Variants in KLF8 observed in about 807,000 individuals in gnomAD.
The protein encoded by KLF8 is KLF transcription factor 8, also known as Krueppel-like factor 8.
Under a neutral mutation model 18.2 loss-of-function variants are expected in KLF8, and 10 were observed. That is an observed-to-expected ratio of 0.55 (90% CI 0.34 to 0.93). The LOEUF is 0.93. Among genes scored for constraint, KLF8 ranks in the 40% least tolerant of loss-of-function variants. The probability of loss-of-function intolerance (pLI) is 0.02; values close to 1 mark genes in which losing one functional copy is unlikely to be tolerated. For missense variants in KLF8, 264 were observed against 277.9 expected (o/e 0.95, Z 0.36); for synonymous variants, 109 against 97.3 (o/e 1.12, Z -0.71).
At chrX:56,172,121 T>A in the KLF8 span, among the ~76,000 whole-genome samples, 12 of 110,997 alleles carry the variant, frequency 1.1e-4, no homozygotes, top group East Asian at 1.4e-3. Flanking sequence ...CTTTTTTTTT[T>A]TATACTTTAA....
At chrX:56,079,120 G>T in the KLF8 span, among the ~76,000 whole-genome samples, 1 of 110,725 alleles carries the variant, frequency 9.0e-6, no homozygotes, top group African/African-American at 3.3e-5. Context: ...TTTTTTGAAG[G>T]GTTTTTTGTG....
chrX:56,011,881 A>T, the KLF8 span, among the ~76,000 whole-genome samples: 3 of 111,764 alleles, frequency 2.7e-5, no homozygotes, highest in Non-Finnish European at 5.6e-5. Flanking sequence ...TCCTGGACAC[A>T]TACACCCTCC....
the KLF8 span, among the ~76,000 whole-genome samples, chrX:56,080,034 A>G: frequency 6.3e-5 from 7 of 110,606 alleles, no homozygotes; most frequent in Non-Finnish European, 1.3e-4. Context: ...TTTTGAGCCT[A>G]TGTGTGTCTC....
At chrX:55,930,518 G>A in the KLF8 span, among the ~76,000 whole-genome samples, 1 of 112,123 alleles carries the variant, frequency 8.9e-6, no homozygotes, top group Non-Finnish European at 1.9e-5. Flanking sequence ...TTGGCTGTGG[G>A]TTTGTCAGAA....
chrX:56,141,322 G>T, the KLF8 span, among the ~76,000 whole-genome samples: 1 of 111,589 alleles, frequency 9.0e-6, no homozygotes, highest in African/African-American at 3.3e-5. Context: ...ATTTTCCTAT[G>T]AATTTCCAAT....
chrX:56,081,498 A>G, the KLF8 span, among the ~76,000 whole-genome samples: 1 of 112,059 alleles, frequency 8.9e-6, no homozygotes, highest in African/African-American at 3.2e-5. Context: ...TGCTCCAGCT[A>G]AAACTTTCAG....
intron 2 of KLF8, among the ~76,000 whole-genome samples, chrX:56,258,618 C>G (rs1312117214): frequency 1.8e-5 from 2 of 112,483 alleles, no homozygotes; most frequent in East Asian, 2.8e-4. Context: ...AAGTATAATT[C>G]TAGAAATGTT....
chrX:56,143,011 T>C, the KLF8 span, among the ~76,000 whole-genome samples: 1 of 112,019 alleles, frequency 8.9e-6, no homozygotes, highest in Non-Finnish European at 1.9e-5. Context: ...CTCCTCTCTT[T>C]GTAACCTTTT....
the KLF8 span, among the ~76,000 whole-genome samples, chrX:56,155,629 AG>A: frequency 8.9e-6 from 1 of 112,007 alleles, no homozygotes; most frequent in South Asian, 3.7e-4. Flanking sequence ...AAAATTAAAA[AG>A]ATATGTACTT....
the KLF8 span, among the ~76,000 whole-genome samples, chrX:56,115,501 A>AT: frequency 9.0e-6 from 1 of 111,588 alleles, no homozygotes; most frequent in African/African-American, 3.3e-5. Flanking sequence ...GATCAAAGGA[A>AT]TCTTTATTCC....
intron 1 of KLF8, among the ~76,000 whole-genome samples, chrX:56,239,829 A>G (rs1284776373): frequency 8.9e-6 from 1 of 111,980 alleles, no homozygotes; most frequent in African/African-American, 3.2e-5. Flanking sequence ...TTTTAAAAAA[A>G]TTGGTTATTT....
At chrX:56,107,700 G>T in the KLF8 span, among the ~76,000 whole-genome samples, 1 of 111,341 alleles carries the variant, frequency 9.0e-6, no homozygotes, top group African/African-American at 3.3e-5. Context: ...GCCCTGCTCT[G>T]CTTCAGGTCG....
the KLF8 span, among the ~76,000 whole-genome samples, chrX:55,948,012 A>G: frequency 4.5e-5 from 5 of 112,209 alleles, no homozygotes; most frequent in African/African-American, 1.6e-4. Context: ...ATATGGGTGT[A>G]TTAGATGTTG....
chrX:56,125,900 G>C, the KLF8 span, among the ~76,000 whole-genome samples: 1 of 112,004 alleles, frequency 8.9e-6, no homozygotes, highest in South Asian at 3.7e-4. Context: ...TTTGGGGAAT[G>C]ATGAGATGAG....
chrX:56,250,681 CAG>C (rs1005868080), intron 2 of KLF8, among the ~76,000 whole-genome samples: 3 of 111,087 alleles, frequency 2.7e-5, no homozygotes, highest in African/African-American at 9.8e-5. Flanking sequence ...TCCAGAGAAA[CAG>C]AACCAACAGG....
At chrX:55,996,639 G>A in the KLF8 span, among the ~76,000 whole-genome samples, 2 of 111,841 alleles carry the variant, frequency 1.8e-5, no homozygotes, top group Admixed American at 9.4e-5. Context: ...CGAAGGATTA[G>A]CGCAGCATTC....
chrX:56,271,895 G>A (rs1048637693), intron 5 of KLF8, among the ~76,000 whole-genome samples: 1 of 110,878 alleles, frequency 9.0e-6, no homozygotes, highest in Non-Finnish European at 1.9e-5. Context: ...CCTATTGTGC[G>A]GCTACCTTCT....
At chrX:56,262,084 C>T (rs975622688) in intron 2 of KLF8, among the ~76,000 whole-genome samples, 1 of 112,036 alleles carries the variant, frequency 8.9e-6, no homozygotes, top group South Asian at 3.7e-4. Flanking sequence ...GATACTAAAA[C>T]CCAAACAACT....
At chrX:55,964,058 A>C in the KLF8 span, among the ~76,000 whole-genome samples, 2 of 111,897 alleles carry the variant, frequency 1.8e-5, no homozygotes, top group African/African-American at 3.2e-5. Context: ...AAATCAAGAA[A>C]TTATTTGAAA....
Sources: allele counts gnomAD v4.1 joint callset (sites outside exome capture counted in the v4.1 genomes callset), GRCh38; gene constraint gnomAD v4.1.1; transcripts MANE v1.5; gene names NCBI Gene and HGNC (gene_info 2026-07-23, HGNC 2026-07-21).